The following UNC5CL variants were observed in gnomAD, a reference collection of about 807,000 sequenced individuals.
UNC5CL encodes the protein UNC5C-like protein.
Under a neutral mutation model 54.1 loss-of-function variants are expected in UNC5CL, and 42 were observed. The ratio of observed to expected loss-of-function variants is 0.78; its 90% CI spans 0.61 to 1.00. The LOEUF is 1.00. Among genes scored for constraint, UNC5CL ranks in the 50% least tolerant of loss-of-function variants. UNC5CL has a pLI of 0.00. For synonymous variants in UNC5CL, 285 were observed against 285.1 expected (o/e 1.00, Z 0.00); for missense variants, 619 against 675.6 (o/e 0.92, Z 0.93).
Position 41,030,479 on chromosome 6 carries a change from G to T in UNC5CL, c.1243C>A (p.Gln415Lys). 6.2e-7 allele frequency: 1 copy of T among 1,614,188 alleles called. No homozygotes were observed. Among genetic ancestry groups the T allele is most frequent in the Non-Finnish European group, 8.5e-7 (1 of 1,180,030 alleles). Residue 415 changes from glutamine to lysine, a missense_variant, in exon 8 of 9, where the codon CAG becomes AAG. By Grantham distance (53) the Gln-to-Lys change is moderately conservative. Transcript: ENST00000244565. ...TTTGGCTCCAATAACATCCGCAGCT[G>T]CTCAAAGAGCTCTGGGGGCAGCCTT... is the stretch of plus-strand genomic sequence containing the variant. ...CNRLPPELFEQLRMLLEPNSI... is the reference protein window; with the variant it reads ...CNRLPPELFEKLRMLLEPNSI...
chr6:41,028,547 A>G lies in UNC5CL; in HGVS notation c.1383T>C (p.Phe461=), dbSNP rs775982275. ...CCTGCAGGCTGCCGTTCTGCTCCTCAAACAACTCCAGGATGGCCGCTGCGG... is the reference window on the plus strand; with the variant it reads ...CCTGCAGGCTGCCGTTCTGCTCCTCGAACAACTCCAGGATGGCCGCTGCGG... ...RSPAAAILEL[F]EEQNGSLQEL... is the part of the protein sequence containing the mutation. The change falls in exon 9 of 9, where the codon TTT becomes TTC. Residue 461 remains phenylalanine, a synonymous_variant. Transcript: ENST00000244565. This position sits in a 1 kb window ranked among gnomAD's most constrained non-coding sequence, Gnocchi z 4.3. The G allele has an allele frequency of 3.1e-5, 50 of 1,613,782 alleles. No individual in the cohort carries two copies. The highest frequency in any genetic ancestry group is 4.2e-5 in the Non-Finnish European group (50 of 1,179,978).
chr6:41,037,716 A>G lies in UNC5CL; in HGVS notation c.-62+1446T>C, dbSNP rs549535903. ...GCAGACAATGCACCAGCCTTTTTCAACCAGGCATCCTGGAGGGCACACAGG... is the reference window on the plus strand; with the variant it reads ...GCAGACAATGCACCAGCCTTTTTCAGCCAGGCATCCTGGAGGGCACACAGG... On this transcript the variant is annotated intron_variant, in intron 1 of 8. Transcript: ENST00000244565. Among the ~76,000 whole-genome samples the G allele has an allele frequency of 2.0e-5, 3 of 152,340 alleles. No homozygotes were observed. In the South Asian group the frequency reaches 6.2e-4, roughly 32 times the overall value.
chr6:41,028,581 T>C lies in UNC5CL; in HGVS notation c.1349A>G (p.Gln450Arg), dbSNP rs761746191. 7 of 1,613,308 alleles carry C rather than the reference T, an allele frequency of 4.3e-6. No homozygotes were observed. The highest frequency in any genetic ancestry group is 5.9e-6 in the Non-Finnish European group (7 of 1,179,926). The change falls in exon 9 of 9, where the codon CAG becomes CGG. Residue 450 changes from glutamine to arginine, a missense_variant. Physicochemically the swap from Gln to Arg is conservative, Grantham distance 43. Transcript: ENST00000244565. The surrounding 1 kb of genome is among the most constrained non-coding windows in gnomAD (Gnocchi z 4.3). ...CGMKIRFLSC[Q>R]RSPAAAILEL... ...CAGGATGGCCGCTGCGGGGCTGCGC[T>C]GGCAGGACAGGAACCTGGCCCGAGG...
At chr6:41,034,561 A>C (rs781651407) in intron 2 of UNC5CL, 129 bp downstream of exon 2, 16 of 1,255,432 alleles carry the variant, frequency 1.3e-5, no homozygotes, top group Non-Finnish European at 1.7e-5. Context: ...TGAAGTCAAT[A>C]AAGCTATACT....
chr6:41,028,124 C>G lies in UNC5CL; in HGVS notation c.*249G>C. Reference sequence around the variant, plus strand: ...CCTGGTCAGTTTGGCAGGCTGGCCACGCTGAGGCCATCTCCTGGGCTCCTG... The same window carrying G: ...CCTGGTCAGTTTGGCAGGCTGGCCAGGCTGAGGCCATCTCCTGGGCTCCTG... On this transcript the variant is annotated 3_prime_UTR_variant, in exon 9 of 9. Transcript: ENST00000244565. The surrounding 1 kb of genome is among the most constrained non-coding windows in gnomAD (Gnocchi z 4.3). 3 of 534,424 alleles carry G rather than the reference C, an allele frequency of 5.6e-6. No individual in the cohort carries two copies. The highest frequency in any genetic ancestry group is 9.9e-6 in the Non-Finnish European group (3 of 303,716). 33.1% of individuals were successfully genotyped at this position (534,424 alleles called of 1,614,324 possible). A position where few individuals can be genotyped will look rare whatever the true frequency, so the allele number is the denominator to read the frequency against.
intron 1 of UNC5CL, among the ~76,000 whole-genome samples, chr6:41,036,099 G>A (rs992600804): frequency 1.3e-5 from 2 of 152,290 alleles, no homozygotes; most frequent in African/African-American, 4.8e-5. Flanking sequence ...GAGCAGTGGT[G>A]TACAATAAAA....
chr6:41,032,791 C>T (rs1224910037), intron 4 of UNC5CL, 93 bp downstream of exon 4: 1 of 1,442,158 alleles, frequency 6.9e-7, no homozygotes, highest in African/African-American at 1.4e-5. Flanking sequence ...GACTTGGGAT[C>T]CCCAGATCTC....
chr6:41,038,565 C>T (rs1762547905), intron 1 of UNC5CL, among the ~76,000 whole-genome samples: 1 of 152,180 alleles, frequency 6.6e-6, no homozygotes, highest in African/African-American at 2.4e-5. Flanking sequence ...GGGGAAAGGT[C>T]CGGAGTCTTG....
chr6:41,033,979 G>T lies in UNC5CL; in HGVS notation c.588C>A (p.Ser196Arg), dbSNP rs750425193. Residue 196 changes from serine to arginine, a missense_variant, in exon 3 of 9, where the codon AGC (serine) becomes AGA (arginine). By Grantham distance (110) the Ser-to-Arg change is moderately radical (BLOSUM62 -1). Transcript: ENST00000244565. ...EQPSHARTYS[S>R]NTTLLDAKVW... Reference sequence around the variant, plus strand: ...CCTTGGCATCCAGCAGGGTAGTGTTGCTGCTGTAGGTGCGAGCATGGCTGG... The same window carrying T: ...CCTTGGCATCCAGCAGGGTAGTGTTTCTGCTGTAGGTGCGAGCATGGCTGG... 1 of 1,614,192 alleles carries T rather than the reference G, an allele frequency of 6.2e-7. No homozygotes were observed. The highest frequency in any genetic ancestry group is 1.1e-5 in the South Asian group (1 of 91,080).
rs1218089791 is a variant in UNC5CL, at chr6:41,028,399, C to T, written c.1531G>A (p.Gly511Ser). ...CAGAGCTTCTCGTCCAGCTCCAGGCCCTGGTTATCCCGGGCGCCCCCGCGC... is the reference window on the plus strand; with the variant it reads ...CAGAGCTTCTCGTCCAGCTCCAGGCTCTGGTTATCCCGGGCGCCCCCGCGC... ...PERGGARDNQ[G>S]LELDEKL The change falls in exon 9 of 9, where the codon GGC becomes AGC. Residue 511 changes from glycine to serine, a missense_variant. Coordinates refer to ENST00000244565, the MANE Select transcript of UNC5CL (RefSeq NM_173561.3). The surrounding 1 kb of genome is among the most constrained non-coding windows in gnomAD (Gnocchi z 4.3). The T allele has an allele frequency of 2.5e-6, 4 of 1,601,486 alleles. No homozygotes were observed. The highest frequency in any genetic ancestry group is 1.1e-5 in the South Asian group (1 of 90,006).
In UNC5CL at chr6:41,034,199, A is replaced by T; in HGVS notation, c.386-18T>A. On this transcript the variant is annotated intron_variant, in intron 2 of 8. Transcript: ENST00000244565. ...CACAGCACCTGGCAGGGAGAGGGAGAGCTGAGATGGGCCTGGTAGGCAGGC... is the reference window on the plus strand; with the variant it reads ...CACAGCACCTGGCAGGGAGAGGGAGTGCTGAGATGGGCCTGGTAGGCAGGC... 1 of 1,588,018 alleles carries T rather than the reference A, an allele frequency of 6.3e-7. No individual in the cohort carries two copies. The highest frequency in any genetic ancestry group is 8.6e-7 in the Non-Finnish European group (1 of 1,166,878).
chr6:41,030,518 G>A lies in UNC5CL; in HGVS notation c.1221-17C>T. On this transcript the variant is annotated splice_polypyrimidine_tract_variant and intron_variant, in intron 7 of 8. Transcript: ENST00000244565. Reference sequence around the variant, plus strand: ...GGGGGCAGCCTTAGGCAGGGAAAAGGGTGTTCTTGGAAGAAAGGGACAAAC... The same window carrying A: ...GGGGGCAGCCTTAGGCAGGGAAAAGAGTGTTCTTGGAAGAAAGGGACAAAC... 1 of 1,613,956 alleles carries A rather than the reference G, an allele frequency of 6.2e-7. No homozygotes were observed.
rs1375071755 is a variant in UNC5CL at position 41,029,036 on chromosome 6, T to C, written c.1335-441A>G. Among the ~76,000 whole-genome samples, 1 of 151,128 alleles carries C rather than the reference T, an allele frequency of 6.6e-6. No homozygotes were observed. The highest frequency in any genetic ancestry group is 2.0e-4 in the East Asian group (1 of 5,084). ...CTAAGGAAACAGTTGCTGTAAACCA[T>C]GGCTTTTTATCACGACTCTCCCGTC... is the stretch of plus-strand genomic sequence containing the variant. On this transcript the variant is annotated intron_variant, in intron 8 of 8. Transcript: ENST00000244565. The surrounding 1 kb of genome is among the most constrained non-coding windows in gnomAD (Gnocchi z 4.1).
rs986691924 is a variant in UNC5CL at position 41,030,694 on chromosome 6, G to C, written c.1181C>G (p.Ala394Gly). 6.2e-7 allele frequency: 1 copy of C among 1,614,052 alleles called. No homozygotes were observed. Among genetic ancestry groups the C allele is most frequent in the Non-Finnish European group, 8.5e-7 (1 of 1,179,996 alleles). Residue 394 changes from alanine to glycine, a missense_variant, in exon 7 of 9, where the codon GCA becomes GGA. Transcript: ENST00000244565. ...CGGCTGGGAAACAGGTGGTGGCGCTGCCCAGGATTCCTCCTCTGATGCCTG... is the reference window on the plus strand; with the variant it reads ...CGGCTGGGAAACAGGTGGTGGCGCTCCCCAGGATTCCTCCTCTGATGCCTG... ...RFQASEEESWAAPPPVSQPPP... is the reference protein window; with the variant it reads ...RFQASEEESWGAPPPVSQPPP...
At chr6:41,031,451 T>C (rs1762451872) in intron 6 of UNC5CL, among the ~76,000 whole-genome samples, 1 of 152,234 alleles carries the variant, frequency 6.6e-6, no homozygotes, top group Non-Finnish European at 1.5e-5. Context: ...TTGGTTCTTT[T>C]AGCTTCCTGC....
rs1481434773 is a variant in UNC5CL, at chr6:41,029,361, G to A, written c.1335-766C>T. On this transcript the variant is annotated intron_variant, in intron 8 of 8. Coordinates refer to ENST00000244565, the MANE Select transcript of UNC5CL (RefSeq NM_173561.3). This position sits in a 1 kb window ranked among gnomAD's most constrained non-coding sequence, Gnocchi z 4.1. ...TCTGCATCCCTCAGTTCAGACTTCT[G>A]GTCATAACGCCCGCAGTTCATTATT... 2.0e-5 allele frequency among the ~76,000 whole-genome samples: 3 copies of A among 152,152 alleles called. No individual in the cohort carries two copies. The highest frequency in any genetic ancestry group is 2.1e-4 in the South Asian group (1 of 4,838).
At position 41,034,897 on chromosome 6, in the gene UNC5CL, G is replaced by T. The variant is rs753292807; in HGVS notation, c.178C>A (p.Leu60Ile). Residue 60 changes from leucine (L) to isoleucine (I), a missense_variant, in exon 2 of 9, where the codon CTA becomes ATA. Transcript: ENST00000244565. ...TGCTGCCTTGAGACCTCATTTTCTA[G>T]TTGGGGGGTAGGCTGGGACACTGGT... ...EEPVSQPTPQ[L>I]ENEVSRQHLP... The T allele has an allele frequency of 3.1e-6, 5 of 1,614,106 alleles. No individual in the cohort carries two copies. In the South Asian group the frequency reaches 5.5e-5, roughly 18 times the overall value.
At position 41,030,413 on chromosome 6, in the gene UNC5CL, G is replaced by T; in HGVS notation, c.1309C>A (p.Leu437Met). Residue 437 changes from leucine (L) to methionine (M), a missense_variant, in exon 8 of 9, where the codon CTG becomes ATG. By Grantham distance (15) the Leu-to-Met change is conservative. Coordinates refer to ENST00000244565, the MANE Select transcript of UNC5CL (RefSeq NM_173561.3). ...CGGATCTTCATGCCGCAAAGCCCCA[G>T]GTGGGAGGCCAGTCTGCGCCAGTCA... ...GNDWRRLASH[L>M]GLCGMKIRFL... is the part of the protein sequence containing the mutation. 6.2e-7 allele frequency: 1 copy of T among 1,614,116 alleles called. No individual in the cohort carries two copies. The highest frequency in any genetic ancestry group is 8.5e-7 in the Non-Finnish European group (1 of 1,180,004).
chr6:41,028,731 G>T lies in UNC5CL; in HGVS notation c.1335-136C>A. ...TAGCTTTTGTCCTTGTCCTGCTCTTGCCTGCCTTCCAGGGCACAGGAGGTG... is the reference window on the plus strand; with the variant it reads ...TAGCTTTTGTCCTTGTCCTGCTCTTTCCTGCCTTCCAGGGCACAGGAGGTG... On this transcript the variant is annotated intron_variant, in intron 8 of 8. Transcript: ENST00000244565. This position sits in a 1 kb window ranked among gnomAD's most constrained non-coding sequence, Gnocchi z 4.3. 1 of 843,518 alleles carries T rather than the reference G, an allele frequency of 1.2e-6. No homozygotes were observed. Among genetic ancestry groups the T allele is most frequent in the Non-Finnish European group, 1.8e-6 (1 of 557,944 alleles). 52.3% of individuals were successfully genotyped at this position (843,518 alleles called of 1,614,324 possible).
Sources: allele counts gnomAD v4.1 joint callset (sites outside exome capture counted in the v4.1 genomes callset), GRCh38; gene constraint gnomAD v4.1.1; non-coding constraint Gnocchi (gnomAD v3.1); transcripts MANE v1.5; gene names NCBI Gene and HGNC (gene_info 2026-07-23, HGNC 2026-07-21).